Variants in RBFOX1 observed in about 807,000 individuals in gnomAD.
RBFOX1 encodes the protein RNA binding protein fox-1 homolog 1.
Under a neutral mutation model 57.7 loss-of-function variants are expected in RBFOX1, and 8 were observed. The ratio of observed to expected loss-of-function variants is 0.14; its 90% CI spans 0.08 to 0.25. The LOEUF (loss-of-function observed/expected upper bound fraction) is 0.25. Among genes scored for constraint, RBFOX1 ranks in the 10% least tolerant of loss-of-function variants. The pLI, the probability that RBFOX1 is intolerant of heterozygous loss-of-function variation, is 1.00. For synonymous variants in RBFOX1, 326 were observed against 222.4 expected (o/e 1.47, Z -4.15); for missense variants, 611 against 548.5 (o/e 1.11, Z -1.14).
At chr16:6,439,708 C>T (rs1459873420) in intron 2 of RBFOX1, among the ~76,000 whole-genome samples, 1 of 152,144 alleles carries the variant, frequency 6.6e-6, no homozygotes, top group Non-Finnish European at 1.5e-5. Context: ...ACAATATCTT[C>T]TAGAGGGGTA....
intron 3 of RBFOX1, among the ~76,000 whole-genome samples, chr16:5,628,908 G>T (rs189150740): frequency 6.6e-6 from 1 of 152,202 alleles, no homozygotes; most frequent in Non-Finnish European, 1.5e-5. Flanking sequence ...TCCTAAGTCA[G>T]ATCATGTACC....
chr16:6,012,919 A>C (rs992222820), intron 4 of RBFOX1, among the ~76,000 whole-genome samples: 28 of 152,344 alleles, frequency 1.8e-4, no homozygotes, highest in Middle Eastern at 6.8e-3. Context: ...ACAATCTTCT[A>C]GATCACGTGA....
chr16:6,311,316 A>AAAG (rs1555619075), intron 1 of RBFOX1, among the ~76,000 whole-genome samples: 12 of 147,644 alleles, frequency 8.1e-5, no homozygotes, highest in African/African-American at 2.7e-4. Context: ...AAAAAAAAAA[A>AAAG]GAATAAAAGA....
intron 3 of RBFOX1, among the ~76,000 whole-genome samples, chr16:6,990,269 A>G (rs547033366): frequency 6.6e-6 from 1 of 152,240 alleles, no homozygotes; most frequent in African/African-American, 2.4e-5. Flanking sequence ...TCACGGCTGT[A>G]ATCCCAGTAC....
At chr16:7,145,386 A>C (rs1718794517) in intron 4 of RBFOX1, among the ~76,000 whole-genome samples, 1 of 151,812 alleles carries the variant, frequency 6.6e-6, no homozygotes, top group South Asian at 2.1e-4. Flanking sequence ...TTTGTATTTT[A>C]AATACAGACG....
At chr16:7,513,859 A>G (rs912124427) in intron 4 of RBFOX1, among the ~76,000 whole-genome samples, 25 of 152,192 alleles carry the variant, frequency 1.6e-4, no homozygotes, top group Non-Finnish European at 2.9e-4. Flanking sequence ...TTACAGGTCA[A>G]AGATCTGCGG....
chr16:6,248,428 C>T (rs1482192828), intron 1 of RBFOX1, among the ~76,000 whole-genome samples: 1 of 152,048 alleles, frequency 6.6e-6, no homozygotes, highest in East Asian at 1.9e-4. Flanking sequence ...TCTCTTTTAG[C>T]CATGGGACAT....
intron 1 of RBFOX1, among the ~76,000 whole-genome samples, chr16:6,256,271 GTATATATATA>G (rs1162785126): frequency 8.8e-6 from 1 of 114,088 alleles, no homozygotes; most frequent in African/African-American, 4.5e-5. Flanking sequence ...ATATATATAT[GTATATATATA>G]TGTGTGTATA....
chr16:7,136,365 A>G (rs904398727), intron 4 of RBFOX1, among the ~76,000 whole-genome samples: 4 of 151,758 alleles, frequency 2.6e-5, no homozygotes, highest in African/African-American at 7.3e-5. Flanking sequence ...ATTGGAGCCA[A>G]TACCTAGTAG....
At chr16:7,449,336 C>G (rs1398789014) in intron 4 of RBFOX1, among the ~76,000 whole-genome samples, 1 of 152,118 alleles carries the variant, frequency 6.6e-6, no homozygotes, top group East Asian at 1.9e-4. Context: ...GGGGGACACT[C>G]TTCAACCCAC....
At chr16:6,406,254 T>C (rs555701246) in intron 2 of RBFOX1, among the ~76,000 whole-genome samples, 2 of 152,322 alleles carry the variant, frequency 1.3e-5, no homozygotes, top group Admixed American at 6.5e-5. Flanking sequence ...ACCCATTAAT[T>C]CTAATGCAGC....
chr16:6,932,747 C>G (rs112778849), intron 3 of RBFOX1, among the ~76,000 whole-genome samples: 1 of 152,146 alleles, frequency 6.6e-6, no homozygotes, highest in Non-Finnish European at 1.5e-5. Flanking sequence ...GAAATAAATA[C>G]AATGTAAAAT....
rs869202831 is a variant in RBFOX1 at position 6,641,734 on chromosome 16, C to CAA, written c.-63-12826_-63-12825dup. Among the ~76,000 whole-genome samples, 129 of 68,920 alleles carry CAA rather than the reference C, an allele frequency of 1.9e-3. 5 individuals carry two copies. The highest frequency in any genetic ancestry group is 5.3e-3 in the African/African-American group (83 of 15,724). The allele number at this position is 68,920 out of a possible 152,430, so 45.2% of individuals were successfully genotyped here. A position where few individuals can be genotyped will look rare whatever the true frequency, so the allele number is the denominator to read the frequency against. On this transcript the variant is annotated intron_variant, in intron 2 of 15. Transcript: ENST00000550418. The stretch of plus-strand genomic sequence containing the variant: ...TGGGTGACAGAGCAGGACTCCGTCT[C>CAA]AAAAAAAAAAAAAAAAAAAAAAAAA...
At chr16:6,101,314 A>G (rs1249205385) in intron 1 of RBFOX1, among the ~76,000 whole-genome samples, 2 of 152,076 alleles carry the variant, frequency 1.3e-5, no homozygotes, top group Non-Finnish European at 2.9e-5. Flanking sequence ...TCACATGCAG[A>G]CAGTTGTAAA....
chr16:6,628,362 T>A (rs541873931), intron 2 of RBFOX1, among the ~76,000 whole-genome samples: 2 of 152,198 alleles, frequency 1.3e-5, no homozygotes, highest in Non-Finnish European at 2.9e-5. Flanking sequence ...AGGATGTGAT[T>A]TTATGTTTTG....
intron 1 of RBFOX1, among the ~76,000 whole-genome samples, chr16:6,290,620 T>A (rs2077375700): frequency 6.6e-6 from 1 of 152,196 alleles, no homozygotes; most frequent in Non-Finnish European, 1.5e-5. Flanking sequence ...CTATTGTGTC[T>A]AAAGTGAATT....
chr16:6,198,698 A>G (rs2097196448), intron 1 of RBFOX1, among the ~76,000 whole-genome samples: 1 of 152,236 alleles, frequency 6.6e-6, no homozygotes, highest in Non-Finnish European at 1.5e-5. Flanking sequence ...GAGTCGAGTT[A>G]GAAGTGGGTT....
chr16:5,666,581 A>G (rs180801986), intron 3 of RBFOX1, among the ~76,000 whole-genome samples: 2 of 152,320 alleles, frequency 1.3e-5, no homozygotes, highest in East Asian at 3.9e-4. Flanking sequence ...ACCTAAGCCA[A>G]CAGTGTACTT....
intron 1 of RBFOX1, among the ~76,000 whole-genome samples, chr16:6,266,270 C>T (rs910462115): frequency 4.6e-5 from 7 of 152,182 alleles, no homozygotes; most frequent in Admixed American, 6.5e-5. Context: ...AATAAATCTT[C>T]ACTGCTGCAA....
Sources: gnomAD v4.1 joint callset for allele counts (sites outside exome capture counted in the v4.1 genomes callset) on GRCh38, gnomAD v4.1.1 for gene constraint, MANE v1.5 for transcripts, NCBI Gene and HGNC (gene_info 2026-07-23, HGNC 2026-07-21) for gene names.